The following ST6GALNAC5 variants were observed in gnomAD, a reference collection of about 807,000 sequenced individuals.
The protein encoded by ST6GALNAC5 is ST6 N-acetylgalactosaminide alpha-2,6-sialyltransferase 5.
Under a neutral mutation model 33.6 loss-of-function variants are expected in ST6GALNAC5, and 27 were observed. The ratio of observed to expected loss-of-function variants is 0.80; its 90% CI spans 0.59 to 1.11. ST6GALNAC5 has a LOEUF of 1.11. ST6GALNAC5 is among the 50% of genes least tolerant of loss of function. The pLI, the probability that ST6GALNAC5 is intolerant of heterozygous loss-of-function variation, is 0.00. For missense variants in ST6GALNAC5, 428 were observed against 454.0 expected (o/e 0.94, Z 0.52); for synonymous variants, 194 against 171.2 (o/e 1.13, Z -1.04).
At chr1:76,923,594 G>C (rs1298945165) in intron 2 of ST6GALNAC5, among the ~76,000 whole-genome samples, 1 of 152,104 alleles carries the variant, frequency 6.6e-6, no homozygotes, top group Non-Finnish European at 1.5e-5. Flanking sequence ...TTGGGAGGCT[G>C]AGACAGGAGA....
intron 2 of ST6GALNAC5, among the ~76,000 whole-genome samples, chr1:76,951,331 A>C (rs1647734597): frequency 6.6e-6 from 1 of 152,132 alleles, no homozygotes; most frequent in Admixed American, 6.6e-5. Flanking sequence ...TGTGCTGGTA[A>C]ATATTTGAAC....
intron 2 of ST6GALNAC5, among the ~76,000 whole-genome samples, chr1:76,912,357 T>G (rs1425574403): frequency 1.3e-5 from 2 of 152,062 alleles, no homozygotes; most frequent in Non-Finnish European, 2.9e-5. Flanking sequence ...ATGTGGTCAA[T>G]TTTGGAATAG....
chr1:76,904,846 T>G (rs1299268518), intron 2 of ST6GALNAC5, among the ~76,000 whole-genome samples: 1 of 152,012 alleles, frequency 6.6e-6, no homozygotes, highest in Non-Finnish European at 1.5e-5. Flanking sequence ...AAAGAGTCAT[T>G]AACAGACAGA....
chr1:76,868,337 C>T lies in ST6GALNAC5; in HGVS notation c.16-160C>T, dbSNP rs959838097. On this transcript the variant is annotated intron_variant, in intron 1 of 4. Coordinates refer to ENST00000477717, the MANE Select transcript of ST6GALNAC5 (RefSeq NM_030965.3). This position sits in a 1 kb window ranked among gnomAD's most constrained non-coding sequence, Gnocchi z 4.3. Reference sequence around the variant, plus strand: ...GCATCCCTTGCGATACGCTAGGGGACGGTGCTTTCTCTGTCCCAGTTGCGT... The same window carrying T: ...GCATCCCTTGCGATACGCTAGGGGATGGTGCTTTCTCTGTCCCAGTTGCGT... Among the ~76,000 whole-genome samples the T allele has an allele frequency of 6.6e-6, 1 of 152,036 alleles. No individual in the cohort carries two copies. The highest frequency in any genetic ancestry group is 2.4e-5 in the African/African-American group (1 of 41,402).
intron 2 of ST6GALNAC5, among the ~76,000 whole-genome samples, chr1:76,984,233 T>C (rs932022814): frequency 1.3e-5 from 2 of 152,108 alleles, no homozygotes; most frequent in African/African-American, 4.8e-5. Flanking sequence ...GCTGGTTTTT[T>C]GAAAAGATTA....
At chr1:76,891,777 A>G (rs2100249776) in intron 2 of ST6GALNAC5, among the ~76,000 whole-genome samples, 2 of 152,350 alleles carry the variant, frequency 1.3e-5, no homozygotes, top group East Asian at 3.9e-4. Flanking sequence ...AGAGAGGTCC[A>G]GCTTCATCTC....
chr1:76,868,743 G>A lies in ST6GALNAC5; in HGVS notation c.261+1G>A. ...ATACCTCGGAGTGGCGGACCACAAG[G>A]TGACAGCATGCCCGCCAGCCCGCTC... is the stretch of plus-strand genomic sequence containing the variant. On this transcript the variant is annotated splice_donor_variant, in intron 2 of 4. Coordinates refer to ENST00000477717, the MANE Select transcript of ST6GALNAC5 (RefSeq NM_030965.3). LOFTEE classifies it high-confidence loss of function. The surrounding 1 kb of genome is among the most constrained non-coding windows in gnomAD (Gnocchi z 4.3). The A allele has an allele frequency of 1.3e-6, 2 of 1,496,344 alleles. No homozygotes were observed. The highest frequency in any genetic ancestry group is 1.8e-6 in the Non-Finnish European group (2 of 1,126,552). 92.7% of individuals were successfully genotyped at this position (1,496,344 alleles called of 1,614,324 possible). A position where few individuals can be genotyped will look rare whatever the true frequency, so the allele number is the denominator to read the frequency against.
Position 76,868,829 on chromosome 1 carries a change from G to C in ST6GALNAC5, c.261+87G>C. Reference sequence around the variant, plus strand: ...TCCCCCTTTCCCGGGGCTGGGAGGCGCTGTGAGTAGGTGCCGTTCGAAGGC... The same window carrying C: ...TCCCCCTTTCCCGGGGCTGGGAGGCCCTGTGAGTAGGTGCCGTTCGAAGGC... On this transcript the variant is annotated intron_variant, in intron 2 of 4. Coordinates refer to ENST00000477717, the MANE Select transcript of ST6GALNAC5 (RefSeq NM_030965.3). This position sits in a 1 kb window ranked among gnomAD's most constrained non-coding sequence, Gnocchi z 4.3. 7.0e-7 allele frequency: 1 copy of C among 1,428,364 alleles called. No individual in the cohort carries two copies. The highest frequency in any genetic ancestry group is 9.1e-7 in the Non-Finnish European group (1 of 1,097,228). The allele number at this position is 1,428,364 out of a possible 1,614,324, so 88.5% of individuals were successfully genotyped here. A position where few individuals can be genotyped will look rare whatever the true frequency, so the allele number is the denominator to read the frequency against.
chr1:76,911,003 T>C (rs140390773), intron 2 of ST6GALNAC5, among the ~76,000 whole-genome samples: 3 of 152,186 alleles, frequency 2.0e-5, no homozygotes, highest in Non-Finnish European at 2.9e-5. Flanking sequence ...GAAAAGTCCA[T>C]TGATCTACAT....
chr1:76,869,393 T>A (rs992316734), intron 2 of ST6GALNAC5, among the ~76,000 whole-genome samples: 10 of 152,218 alleles, frequency 6.6e-5, no homozygotes, highest in Non-Finnish European at 7.3e-5. Flanking sequence ...ATGAATTTTT[T>A]AAAATTGGGC....
intron 2 of ST6GALNAC5, among the ~76,000 whole-genome samples, chr1:76,964,387 G>A (rs1648370492): frequency 6.6e-6 from 1 of 151,992 alleles, no homozygotes; most frequent in Non-Finnish European, 1.5e-5. Context: ...ACTATCCAAT[G>A]AATCCATGGC....
chr1:77,055,175 C>T (rs1652350054), intron 4 of ST6GALNAC5, among the ~76,000 whole-genome samples: 1 of 152,140 alleles, frequency 6.6e-6, no homozygotes, highest in Non-Finnish European at 1.5e-5. Context: ...TACTCCCTAG[C>T]TTAGCACACA....
rs1386429541 is a variant in ST6GALNAC5 at position 77,000,426 on chromosome 1, T to C, written c.262-43778T>C. 7.4e-4 allele frequency among the ~76,000 whole-genome samples: 94 copies of C among 127,560 alleles called. 1 individual carries two copies. Among genetic ancestry groups the C allele is most frequent in the African/African-American group, 2.2e-3 (86 of 38,598 alleles). The allele number at this position is 127,560 out of a possible 152,430, so 83.7% of individuals were successfully genotyped here. A position where few individuals can be genotyped will look rare whatever the true frequency, so the allele number is the denominator to read the frequency against. ...AGATGAGTAGGTTGCGAAAATTTTC[T>C]CCCATTTTGTAGGTTGCCTGTTCAC... On this transcript the variant is annotated intron_variant, in intron 2 of 4. Coordinates refer to ENST00000477717, the MANE Select transcript of ST6GALNAC5 (RefSeq NM_030965.3).
Position 77,044,359 on chromosome 1 carries a change from C to T in ST6GALNAC5, c.417C>T (p.Thr139=). ...ATGGGCGTGACGTGGGCAATCGCAC[C>T]AGCCTGAGGGTCATCGCGCATTCCA... ...RGYGRDVGNR[T]SLRVIAHSSI... The change falls in exon 3 of 5, where the codon ACC becomes ACT. Residue 139 remains threonine, a synonymous_variant. Coordinates refer to ENST00000477717, the MANE Select transcript of ST6GALNAC5 (RefSeq NM_030965.3). The T allele has an allele frequency of 6.2e-7, 1 of 1,613,950 alleles. No individual in the cohort carries two copies. The highest frequency in any genetic ancestry group is 1.1e-5 in the South Asian group (1 of 91,078).
chr1:77,000,858 T>A lies in ST6GALNAC5; in HGVS notation c.262-43346T>A, dbSNP rs868450971. On this transcript the variant is annotated intron_variant, in intron 2 of 4. Transcript: ENST00000477717. ...TTTGTTCCATTGATCTATATCTCTG[T>A]TTTGGTACCAGTACCATGCTGTTTT... is the stretch of plus-strand genomic sequence containing the variant. 4.1e-4 allele frequency among the ~76,000 whole-genome samples: 63 copies of A among 152,328 alleles called. 1 individual carries two copies. Among genetic ancestry groups the A allele is most frequent in the African/African-American group, 1.3e-3 (56 of 41,564 alleles).
intron 2 of ST6GALNAC5, among the ~76,000 whole-genome samples, chr1:77,009,504 G>A (rs950803177): frequency 1.3e-5 from 2 of 152,076 alleles, no homozygotes; most frequent in African/African-American, 4.8e-5. Flanking sequence ...AAGAAATTAC[G>A]GGTAGGAGAG....
At chr1:76,941,548 A>C (rs928098998) in intron 2 of ST6GALNAC5, among the ~76,000 whole-genome samples, 3 of 152,090 alleles carry the variant, frequency 2.0e-5, no homozygotes, top group African/African-American at 7.2e-5. Context: ...GCTATAATAA[A>C]TTTAAGGCTC....
At chr1:76,897,622 G>A (rs57948206) in intron 2 of ST6GALNAC5, among the ~76,000 whole-genome samples, 4,466 of 151,480 alleles carry the variant, frequency 0.029, 197 homozygotes, top group African/African-American at 0.1. Context: ...GGGTTAAGGT[G>A]GGGGGATACA....
intron 2 of ST6GALNAC5, among the ~76,000 whole-genome samples, chr1:76,919,461 AT>A (rs899058663): frequency 3.9e-5 from 6 of 152,104 alleles, no homozygotes; most frequent in African/African-American, 1.4e-4. Context: ...TCTTCAAGGC[AT>A]GTCTCAGGCA....
Sources: gnomAD v4.1 joint callset for allele counts (sites outside exome capture counted in the v4.1 genomes callset) on GRCh38, gnomAD v4.1.1 for gene constraint, Gnocchi (gnomAD v3.1) non-coding constraint, MANE v1.5 for transcripts, NCBI Gene and HGNC (gene_info 2026-07-23, HGNC 2026-07-21) for gene names.